ZMYM4: variants seen among roughly 807,000 people sequenced by gnomAD.
ZMYM4 encodes the protein zinc finger MYM-type containing 4.
A neutral mutation model predicts 183.2 loss-of-function variants in ZMYM4; 31 were observed. That is an observed-to-expected ratio of 0.17 (90% CI 0.13 to 0.23). The LOEUF (loss-of-function observed/expected upper bound fraction) is 0.23, where lower values mean the gene tolerates loss of function less well. Among genes scored for constraint, ZMYM4 ranks in the 10% least tolerant of loss-of-function variants. The pLI, the probability that ZMYM4 is intolerant of heterozygous loss-of-function variation, is 1.00. For synonymous variants in ZMYM4, 592 were observed against 631.2 expected (o/e 0.94, Z 0.93); for missense variants, 1,273 against 1,840.3 (o/e 0.69, Z 5.64).
Position 35,405,074 on chromosome 1 carries a change from G to A in ZMYM4, c.3580G>A (p.Ala1194Thr), listed in dbSNP as rs781081600. Residue 1194 changes from alanine to threonine, a missense_variant, in exon 24 of 30, where the codon GCC (alanine) becomes ACC (threonine). Physicochemically the swap from Ala to Thr is moderately conservative, Grantham distance 58. Transcript: ENST00000314607. Reference sequence around the variant, plus strand: ...GGAGCCCAGGAGTCTTATTCAAGGAGCCTTTCAAGGCTGCTCAGTGTCCGG... The same window carrying A: ...GGAGCCCAGGAGTCTTATTCAAGGAACCTTTCAAGGCTGCTCAGTGTCCGG... Reference protein sequence around the residue: ...AVEPRSLIQGAFQGCSVSGMT... With the variant: ...AVEPRSLIQGTFQGCSVSGMT... 30 of 1,613,872 alleles carry A rather than the reference G, an allele frequency of 1.9e-5. No homozygotes were observed. Among genetic ancestry groups the A allele is most frequent in the Non-Finnish European group, 2.5e-5 (29 of 1,179,958 alleles).
chr1:35,336,051 T>C (rs1642961832), intron 2 of ZMYM4, among the ~76,000 whole-genome samples: 1 of 152,228 alleles, frequency 6.6e-6, no homozygotes, highest in Non-Finnish European at 1.5e-5. Flanking sequence ...TTTTTCATCC[T>C]GCAAAAGTGA....
chr1:35,321,013 T>G (rs1642259342), intron 1 of ZMYM4, among the ~76,000 whole-genome samples: 1 of 152,174 alleles, frequency 6.6e-6, no homozygotes, highest in South Asian at 2.1e-4. Context: ...AGCGCTCCTT[T>G]TTATTGATTT....
intron 7 of ZMYM4, among the ~76,000 whole-genome samples, chr1:35,378,279 T>A (rs1224417459): frequency 2.6e-5 from 4 of 152,238 alleles, no homozygotes; most frequent in Admixed American, 2.6e-4. Context: ...TGATGATATT[T>A]GGATTTCCTC....
At position 35,387,709 on chromosome 1, in the gene ZMYM4, T is replaced by G. The variant is rs567902307; in HGVS notation, c.2263+105T>G. ...CTAAGTTAATCTGTTTTATTGTTTATGTATAACGTAAATGCCTTTTCGATT... is the reference window on the plus strand; with the variant it reads ...CTAAGTTAATCTGTTTTATTGTTTAGGTATAACGTAAATGCCTTTTCGATT... On this transcript the variant is annotated intron_variant, in intron 13 of 29. Transcript: ENST00000314607. The G allele has an allele frequency of 1.2e-4, 155 of 1,242,774 alleles. No individual in the cohort carries two copies. In the African/African-American group the frequency reaches 2.2e-3, roughly 18 times the overall value. The allele number at this position is 1,242,774 out of a possible 1,614,324, so 77.0% of individuals were successfully genotyped here.
chr1:35,324,955 T>G (rs1017557237), intron 1 of ZMYM4, among the ~76,000 whole-genome samples: 3 of 152,144 alleles, frequency 2.0e-5, no homozygotes, highest in Non-Finnish European at 4.4e-5. Context: ...GTTTTTGGCT[T>G]TAGCTTAAGA....
intron 1 of ZMYM4, among the ~76,000 whole-genome samples, chr1:35,290,438 A>G (rs911575902): frequency 2.0e-5 from 3 of 151,232 alleles, no homozygotes; most frequent in Non-Finnish European, 4.4e-5. Flanking sequence ...TTACTTACTT[A>G]GTTTTTATTT....
rs145107929 is a variant in ZMYM4 at position 35,285,960 on chromosome 1, A to T, written c.39+16875A>T. Among the ~76,000 whole-genome samples the T allele has an allele frequency of 5.3e-5, 8 of 152,324 alleles. No homozygotes were observed. In the East Asian group the frequency reaches 1.5e-3, roughly 29 times the overall value. The stretch of plus-strand genomic sequence containing the variant: ...TCATATTCAGTGGTGAAAGACTGAG[A>T]GATTTTATCCTCAGATGAGGAACAA... On this transcript the variant is annotated intron_variant, in intron 1 of 29. Coordinates refer to ENST00000314607, the MANE Select transcript of ZMYM4 (RefSeq NM_005095.3).
intron 1 of ZMYM4, among the ~76,000 whole-genome samples, chr1:35,296,164 C>T (rs1195854161): frequency 2.0e-5 from 3 of 152,142 alleles, no homozygotes; most frequent in Non-Finnish European, 4.4e-5. Context: ...TGAGTGTTCC[C>T]CTTACTAACA....
rs753397992 is a variant in ZMYM4, at chr1:35,359,027, A to G, written c.188A>G (p.Glu63Gly). 2 of 1,613,664 alleles carry G rather than the reference A, an allele frequency of 1.2e-6. No homozygotes were observed. The highest frequency in any genetic ancestry group is 2.7e-5 in the African/African-American group (2 of 74,902). Residue 63 changes from glutamate to glycine, a missense_variant, in exon 3 of 30, where the codon GAA becomes GGA. Physicochemically the swap from Glu to Gly is moderately conservative, Grantham distance 98 (BLOSUM62 -2). This residue lies in a region of ZMYM4 where 384 missense variants were observed against 465.6 expected (regional missense o/e 0.82). Transcript: ENST00000314607. Reference sequence around the variant, plus strand: ...GGAATGCCGAATCAAACAGGATCTGAAAATTCATTGCTGGATGAAGATGAT... The same window carrying G: ...GGAATGCCGAATCAAACAGGATCTGGAAATTCATTGCTGGATGAAGATGAT... ...SYGMPNQTGSENSLLDEDDYF... is the reference protein window; with the variant it reads ...SYGMPNQTGSGNSLLDEDDYF...
At chr1:35,350,723 TG>T in intron 2 of ZMYM4, 1 of 413,512 alleles carries the variant, frequency 2.4e-6, no homozygotes, top group Non-Finnish European at 4.6e-6. Flanking sequence ...TTCTGCAGGA[TG>T]GGGTTTGTTA....
chr1:35,304,372 A>G (rs1641430113), intron 1 of ZMYM4, among the ~76,000 whole-genome samples: 1 of 151,924 alleles, frequency 6.6e-6, no homozygotes, highest in Non-Finnish European at 1.5e-5. Context: ...TGATATTGTA[A>G]TTATCTTGTT....
chr1:35,308,094 C>T (rs1641627980), intron 1 of ZMYM4, among the ~76,000 whole-genome samples: 1 of 152,100 alleles, frequency 6.6e-6, no homozygotes, highest in Non-Finnish European at 1.5e-5. Context: ...TGGGTTCAAG[C>T]AATTATCCTG....
chr1:35,274,546 C>T (rs1182149858), intron 1 of ZMYM4, among the ~76,000 whole-genome samples: 1 of 148,824 alleles, frequency 6.7e-6, no homozygotes, highest in Non-Finnish European at 1.5e-5. Context: ...TTCGAGATTG[C>T]ATTGAACTAT....
chr1:35,403,369 T>C (rs1237938342), intron 23 of ZMYM4, among the ~76,000 whole-genome samples: 1 of 152,176 alleles, frequency 6.6e-6, no homozygotes, highest in Non-Finnish European at 1.5e-5. Flanking sequence ...CACTGTAACC[T>C]CCACCTTCCA....
chr1:35,394,171 T>C (rs1257399962), intron 18 of ZMYM4, among the ~76,000 whole-genome samples: 1 of 127,444 alleles, frequency 7.8e-6, no homozygotes, highest in Non-Finnish European at 1.7e-5. Flanking sequence ...TCTTTTTTTT[T>C]TTTTTTTTTT....
At chr1:35,393,865 A>G in intron 18 of ZMYM4, 126 bp downstream of exon 18, 2 of 1,077,566 alleles carry the variant, frequency 1.9e-6, no homozygotes. Flanking sequence ...TGCCCAATTT[A>G]GTTCTCACAG....
chr1:35,310,029 A>T (rs907220649), intron 1 of ZMYM4, among the ~76,000 whole-genome samples: 1 of 150,768 alleles, frequency 6.6e-6, no homozygotes, highest in Admixed American at 6.7e-5. Flanking sequence ...TCCCAGGTTC[A>T]AGCGATTCTC....
At position 35,389,071 on chromosome 1, in the gene ZMYM4, T is replaced by C; in HGVS notation, c.2425T>C (p.Leu809=). The stretch of plus-strand genomic sequence containing the variant: ...AGAATGCATGTCCAAATATACAGTT[T>C]TGTTCTATCAGGTAAATAGAATTCA... The part of the protein sequence containing the change: ...CEECMSKYTV[L]FYQMAKCDAC... The change falls in exon 14 of 30, where the codon TTG becomes CTG. Residue 809 remains leucine (L), a synonymous_variant. Transcript: ENST00000314607. This position sits in a 1 kb window ranked among gnomAD's most constrained non-coding sequence, Gnocchi z 4.0. 1 of 1,613,070 alleles carries C rather than the reference T, an allele frequency of 6.2e-7. No individual in the cohort carries two copies. Among genetic ancestry groups the C allele is most frequent in the Non-Finnish European group, 8.5e-7 (1 of 1,179,662 alleles).
chr1:35,312,113 G>A (rs576641143), intron 1 of ZMYM4, among the ~76,000 whole-genome samples: 3 of 152,122 alleles, frequency 2.0e-5, no homozygotes, highest in African/African-American at 7.2e-5. Flanking sequence ...TAAGTAATGT[G>A]TTGTTTGTTT....
Sources: allele counts gnomAD v4.1 joint callset (sites outside exome capture counted in the v4.1 genomes callset), GRCh38; gene constraint gnomAD v4.1.1; regional missense constraint gnomAD v4.1.1; non-coding constraint Gnocchi (gnomAD v3.1); transcripts MANE v1.5; gene names NCBI Gene and HGNC (gene_info 2026-07-23, HGNC 2026-07-21).